Variants in POC1A observed in about 807,000 individuals in gnomAD.
POC1A encodes the protein POC1 centriolar protein homolog A.
In POC1A, 34 loss-of-function variants were observed where a neutral mutation model predicts 47.8. The ratio of observed to expected loss-of-function variants is 0.71; its 90% CI spans 0.54 to 0.95. POC1A has a LOEUF of 0.95. Ranked by LOEUF, POC1A falls within the 40% of genes least tolerant of loss-of-function variation. POC1A has a pLI of 0.00. For missense variants in POC1A, 466 were observed against 528.3 expected (o/e 0.88, Z 1.16); for synonymous variants, 177 against 207.6 (o/e 0.85, Z 1.27).
At chr3:52,097,863 G>A (rs887938931) in intron 9 of POC1A, among the ~76,000 whole-genome samples, 1 of 152,190 alleles carries the variant, frequency 6.6e-6, no homozygotes, top group Non-Finnish European at 1.5e-5. Flanking sequence ...CATCAGGGCT[G>A]GGTCTCTTCC....
chr3:52,138,054 T>C (rs548901322), intron 7 of POC1A, 115 bp downstream of exon 7: 19 of 1,117,366 alleles, frequency 1.7e-5, no homozygotes, highest in Non-Finnish European at 2.4e-5. Context: ...AATGCCTCCA[T>C]CCATCTCCCT....
chr3:52,129,211 G>A (rs183477191), intron 7 of POC1A, among the ~76,000 whole-genome samples: 42 of 152,250 alleles, frequency 2.8e-4, no homozygotes, highest in African/African-American at 7.7e-4. Flanking sequence ...CCCAGGAGGT[G>A]GAGGTTGCAG....
chr3:52,149,876 G>A lies in POC1A; in HGVS notation c.215C>T (p.Ser72Leu), dbSNP rs746676896. 122 of 1,614,012 alleles carry A rather than the reference G, an allele frequency of 7.6e-5. 1 individual carries two copies. In the East Asian group the frequency reaches 2.0e-3, roughly 26 times the overall value. ...GGAGCCGGAAGCAAGCAGGTGTCCC[G>A]AAGGAGAGAAGTTCACACAGGTGAC... ...DAVTCVNFSP[S>L]GHLLASGSRD... The change falls in exon 3 of 11, where the codon TCG (serine) becomes TTG (leucine). Residue 72 changes from serine (S) to leucine (L), a missense_variant. Transcript: ENST00000296484.
At chr3:52,096,008 G>A (rs1043259473) in intron 10 of POC1A, among the ~76,000 whole-genome samples, 1 of 152,258 alleles carries the variant, frequency 6.6e-6, no homozygotes, top group Admixed American at 6.5e-5. Flanking sequence ...AGCTACCTAG[G>A]GCCAGGCATG....
chr3:52,104,168 A>G (rs1458718111), intron 9 of POC1A, among the ~76,000 whole-genome samples: 1 of 152,254 alleles, frequency 6.6e-6, no homozygotes, highest in African/African-American at 2.4e-5. Context: ...ACATATAACA[A>G]TGTGGGTCAA....
chr3:52,145,634 C>A (rs1698337536), intron 6 of POC1A, among the ~76,000 whole-genome samples: 1 of 152,208 alleles, frequency 6.6e-6, no homozygotes, highest in Non-Finnish European at 1.5e-5. Context: ...CAGTGGAAGC[C>A]AGGTAGCACC....
chr3:52,144,757 T>C (rs1259058457), intron 6 of POC1A, among the ~76,000 whole-genome samples: 1 of 152,168 alleles, frequency 6.6e-6, no homozygotes, highest in Admixed American at 6.5e-5. Context: ...CTCTCCACCA[T>C]GTGCTGTTCA....
At position 52,145,864 on chromosome 3, in the gene POC1A, G is replaced by C; in HGVS notation, c.661C>G (p.Leu221Val). Residue 221 changes from leucine (L) to valine (V), a missense_variant, in exon 6 of 11, where the codon CTG (leucine) becomes GTG (valine). Coordinates refer to ENST00000296484, the MANE Select transcript of POC1A (RefSeq NM_015426.5). Reference protein sequence around the residue: ...VKVWDVRTHRLLQHYQLHSAA... With the variant: ...VKVWDVRTHRVLQHYQLHSAA... Reference sequence around the variant, plus strand: ...CACTCACACTGATAATGCTGCAGCAGCCGGTGAGTCCGCACGTCCCACACC... The same window carrying C: ...CACTCACACTGATAATGCTGCAGCACCCGGTGAGTCCGCACGTCCCACACC... 6.2e-7 allele frequency: 1 copy of C among 1,613,014 alleles called. No individual in the cohort carries two copies. Among genetic ancestry groups the C allele is most frequent in the South Asian group, 1.1e-5 (1 of 91,070 alleles).
chr3:52,084,600 C>G lies in POC1A; in HGVS notation c.1126-8615G>C, dbSNP rs143502696. Among the ~76,000 whole-genome samples the G allele has an allele frequency of 1.9e-3, 290 of 152,316 alleles. 2 individuals carry two copies. The highest frequency in any genetic ancestry group is 6.5e-3 in the African/African-American group (269 of 41,568). ...AGGGGCAGGAAAGAACAAGGGTGGC[C>G]AGATCCTTAAAAATACTTCTCCAAG... On this transcript the variant is annotated intron_variant, in intron 10 of 10. Transcript: ENST00000296484. The surrounding 1 kb of genome is among the most constrained non-coding windows in gnomAD (Gnocchi z 4.3).
intron 9 of POC1A, 134 bp from the exon 10 acceptor site, chr3:52,096,846 GA>G (rs1459222301): frequency 6.5e-6 from 5 of 771,850 alleles, no homozygotes; most frequent in African/African-American, 5.4e-5. Flanking sequence ...GTGTCAGTAA[GA>G]AACAGCAGCG....
At chr3:52,154,049 C>T (rs2107223530) in intron 1 of POC1A, among the ~76,000 whole-genome samples, 1 of 152,384 alleles carries the variant, frequency 6.6e-6, no homozygotes, top group East Asian at 1.9e-4. Context: ...GCTAGAGAGG[C>T]CCGATACCGG....
At chr3:52,141,059 C>G (rs931454802) in intron 6 of POC1A, among the ~76,000 whole-genome samples, 2 of 152,224 alleles carry the variant, frequency 1.3e-5, no homozygotes, top group African/African-American at 4.8e-5. Flanking sequence ...CTTATCCCAT[C>G]TCCACTCCAA....
At chr3:52,124,450 T>C (rs895504824) in intron 8 of POC1A, among the ~76,000 whole-genome samples, 2 of 152,214 alleles carry the variant, frequency 1.3e-5, no homozygotes, top group East Asian at 1.9e-4. Flanking sequence ...CAAGGTGGGA[T>C]AGGACCTCTT....
At chr3:52,122,197 C>T (rs1360327704) in intron 9 of POC1A, among the ~76,000 whole-genome samples, 182 bp downstream of exon 9, 1 of 152,238 alleles carries the variant, frequency 6.6e-6, no homozygotes, top group Non-Finnish European at 1.5e-5. Flanking sequence ...TTCGTTCACT[C>T]TAGATGGAAA....
intron 9 of POC1A, among the ~76,000 whole-genome samples, chr3:52,102,358 G>A (rs1703032294): frequency 6.6e-6 from 1 of 152,206 alleles, no homozygotes; most frequent in Non-Finnish European, 1.5e-5. Flanking sequence ...TTCCTCTGGA[G>A]GCACTAAGGG....
chr3:52,119,669 T>A (rs1189158897), intron 9 of POC1A, among the ~76,000 whole-genome samples: 2 of 152,306 alleles, frequency 1.3e-5, no homozygotes, highest in East Asian at 3.9e-4. Flanking sequence ...GTGCTGAGAT[T>A]ACAGGTGTGG....
intron 6 of POC1A, among the ~76,000 whole-genome samples, chr3:52,144,536 CAG>C (rs1304760205): frequency 6.6e-6 from 1 of 152,212 alleles, no homozygotes; most frequent in African/African-American, 2.4e-5. Flanking sequence ...AGGACCAAGA[CAG>C]TGTCATTGTC....
At position 52,142,823 on chromosome 3, in the gene POC1A, G is replaced by T. The variant is rs570523647; in HGVS notation, c.679+3023C>A. Among the ~76,000 whole-genome samples, 5 of 152,274 alleles carry T rather than the reference G, an allele frequency of 3.3e-5. No homozygotes were observed. In the East Asian group the frequency reaches 7.7e-4, roughly 24 times the overall value. On this transcript the variant is annotated intron_variant, in intron 6 of 10. Transcript: ENST00000296484. ...GAGATTCCACTGCACCTATGGGGGT[G>T]GGGGAGCCACTTGGGTAGAGGGTTT... is the stretch of plus-strand genomic sequence containing the variant.
At chr3:52,131,285 G>A (rs562863074) in intron 7 of POC1A, among the ~76,000 whole-genome samples, 1 of 152,174 alleles carries the variant, frequency 6.6e-6, no homozygotes, top group Non-Finnish European at 1.5e-5. Flanking sequence ...GGCCTCACAC[G>A]GGGCCTGAGG....
Sources: gnomAD v4.1 joint callset for allele counts (sites outside exome capture counted in the v4.1 genomes callset) on GRCh38, gnomAD v4.1.1 for gene constraint, Gnocchi (gnomAD v3.1) non-coding constraint, MANE v1.5 for transcripts, NCBI Gene and HGNC (gene_info 2026-07-23, HGNC 2026-07-21) for gene names.